DCTN4: variants seen among roughly 807,000 people sequenced by gnomAD.
DCTN4 encodes dynactin 4 (p62).
Under a neutral mutation model 62.7 loss-of-function variants are expected in DCTN4, and 23 were observed. The ratio of observed to expected loss-of-function variants is 0.37; its 90% confidence interval spans 0.26 to 0.52. DCTN4 has a LOEUF of 0.52. Among genes scored for constraint, DCTN4 ranks in the 20% least tolerant of loss-of-function variants. DCTN4 has a pLI of 0.92. For synonymous variants in DCTN4, 199 were observed against 202.1 expected (o/e 0.98, Z 0.13); for missense variants, 514 against 580.4 (o/e 0.89, Z 1.18).
Position 150,715,587 on chromosome 5 carries a change from G to C in DCTN4, c.1147C>G (p.Gln383Glu). The change falls in exon 12 of 13, where the codon CAA becomes GAA. Residue 383 changes from glutamine (Q) to glutamate (E), a missense_variant. Transcript: ENST00000447998. ...AAEYDELAEP[Q>E]DFQDDPDIIA... is the part of the protein sequence containing the mutation. ...CACTCAGGATCGTCCTGAAAGTCTT[G>C]AGGTTCTGCCAACTCATCGTACTCT... 1 of 1,614,124 alleles carries C rather than the reference G, an allele frequency of 6.2e-7. No homozygotes were observed. The highest frequency in any genetic ancestry group is 8.5e-7 in the Non-Finnish European group (1 of 1,180,008).
At position 150,731,207 on chromosome 5, in the gene DCTN4, C is replaced by T. The variant is rs770856799; in HGVS notation, c.612-51G>A. The T allele has an allele frequency of 2.1e-5, 27 of 1,259,896 alleles. No individual in the cohort carries two copies. In the East Asian group the frequency reaches 2.5e-4, roughly 12 times the overall value. The allele number at this position is 1,259,896 out of a possible 1,614,324, so 78.0% of individuals were successfully genotyped here. ...AACAAAACAAAAGAGTAATTTCTCACGGATCCACCTGATTATCCTCAGTCT... is the reference window on the plus strand; with the variant it reads ...AACAAAACAAAAGAGTAATTTCTCATGGATCCACCTGATTATCCTCAGTCT... On this transcript the variant is annotated intron_variant, in intron 6 of 12. Transcript: ENST00000447998.
At position 150,711,228 on chromosome 5, in the gene DCTN4, A is replaced by G. The variant is rs1759549920; in HGVS notation, c.1304T>C (p.Ile435Thr). The change falls in exon 13 of 13, where the codon ATT (isoleucine) becomes ACT (threonine). Residue 435 changes from isoleucine to threonine, a missense_variant. By Grantham distance (89) the Ile-to-Thr change is moderately conservative (BLOSUM62 -1). Coordinates refer to ENST00000447998, the MANE Select transcript of DCTN4 (RefSeq NM_016221.4). ...TTCTGTTCCCTGGTCACTTTCTTCA[A>G]TGGGGCGAATGGGGGCTGCCAGGTT... ...FKNLAAPIRP[I>T]EESDQGTEVI... 6 of 1,612,984 alleles carry G rather than the reference A, an allele frequency of 3.7e-6. No individual in the cohort carries two copies. Among genetic ancestry groups the G allele is most frequent in the South Asian group, 1.1e-5 (1 of 91,014 alleles).
chr5:150,737,716 A>C (rs942795417), intron 4 of DCTN4, among the ~76,000 whole-genome samples: 1 of 152,200 alleles, frequency 6.6e-6, no homozygotes, highest in Non-Finnish European at 1.5e-5. Flanking sequence ...AGAACCAGAG[A>C]AACAAGAACA....
intron 5 of DCTN4, among the ~76,000 whole-genome samples, chr5:150,732,656 A>T (rs1760429901): frequency 6.6e-6 from 1 of 152,214 alleles, no homozygotes; most frequent in South Asian, 2.1e-4. Flanking sequence ...AGCTTGACAC[A>T]TCATTGCCAT....
chr5:150,756,366 G>A (rs1561713875), intron 2 of DCTN4, 51 bp downstream of exon 2: 2 of 1,346,740 alleles, frequency 1.5e-6, no homozygotes, highest in South Asian at 2.7e-5. Context: ...AGCTATTTTA[G>A]AGAACAGTCA....
At chr5:150,748,588 C>A (rs1220524062) in intron 3 of DCTN4, among the ~76,000 whole-genome samples, 2 of 150,448 alleles carry the variant, frequency 1.3e-5, no homozygotes, top group Non-Finnish European at 3.0e-5. Context: ...ACATATACAC[C>A]ATGGAATACT....
At chr5:150,728,904 G>A (rs1760251492) in intron 8 of DCTN4, among the ~76,000 whole-genome samples, 1 of 150,886 alleles carries the variant, frequency 6.6e-6, no homozygotes, top group African/African-American at 2.4e-5. Flanking sequence ...AACAGACAGG[G>A]TCTTGCTTCG....
chr5:150,730,851 TA>T, intron 7 of DCTN4, 111 bp from the exon 8 acceptor site: 4 of 962,220 alleles, frequency 4.2e-6, no homozygotes, highest in Non-Finnish European at 6.4e-6. Context: ...GTGTTGTTCA[TA>T]AAAATGAAAA....
intron 4 of DCTN4, among the ~76,000 whole-genome samples, chr5:150,739,342 A>G (rs908612333): frequency 1.3e-5 from 2 of 152,184 alleles, no homozygotes; most frequent in Non-Finnish European, 2.9e-5. Flanking sequence ...CCAAAAAACA[A>G]AAACAAAATG....
intron 1 of DCTN4, among the ~76,000 whole-genome samples, chr5:150,757,239 G>C (rs1752895470): frequency 6.6e-6 from 1 of 152,134 alleles, no homozygotes; most frequent in Admixed American, 6.5e-5. Context: ...GATTAATAAA[G>C]TTGTTGCTCA....
intron 3 of DCTN4, among the ~76,000 whole-genome samples, chr5:150,748,945 AAAAAAAAG>A (rs1279452826): frequency 6.6e-6 from 1 of 151,990 alleles, no homozygotes; most frequent in Non-Finnish European, 1.5e-5. Context: ...AATAATAAGA[AAAAAAAAG>A]AAAAAAAGAA....
At chr5:150,753,185 T>C (rs970898632) in intron 3 of DCTN4, among the ~76,000 whole-genome samples, 2 of 152,208 alleles carry the variant, frequency 1.3e-5, no homozygotes. Context: ...GTTTTATCCA[T>C]GATGTCTTAA....
At chr5:150,711,675 T>C (rs1214514815) in intron 12 of DCTN4, among the ~76,000 whole-genome samples, 1 of 152,076 alleles carries the variant, frequency 6.6e-6, no homozygotes, top group African/African-American at 2.4e-5. Flanking sequence ...CTGGCTAGCT[T>C]TATATATTAA....
rs1759542776 is a variant in DCTN4 at position 150,711,090 on chromosome 5, A to G, written c.*59T>C. The G allele has an allele frequency of 6.6e-7, 1 of 1,514,154 alleles. No individual in the cohort carries two copies. The highest frequency in any genetic ancestry group is 1.1e-5 in the South Asian group (1 of 88,114). The allele number at this position is 1,514,154 out of a possible 1,614,324, so 93.8% of individuals were successfully genotyped here. On this transcript the variant is annotated 3_prime_UTR_variant, in exon 13 of 13. Transcript: ENST00000447998. ...GGCCTAATGAAGCAGCAGCTTCCAC[A>G]TTTTAACGCAGGTTTACGGTGATAC... is the stretch of plus-strand genomic sequence containing the variant.
intron 2 of DCTN4, among the ~76,000 whole-genome samples, chr5:150,755,218 A>G (rs1003572831): frequency 2.0e-5 from 3 of 152,220 alleles, no homozygotes; most frequent in African/African-American, 4.8e-5. Flanking sequence ...CCACTGTCCT[A>G]TAAGTAAGTG....
rs754653429 is a variant in DCTN4 at position 150,758,810 on chromosome 5, C to G, written c.135+49G>C. Reference sequence around the variant, plus strand: ...TTCCGGTGGCAGTGACTAGCATGAACGCCGCGCCCCCCCCACCCCACATAC... The same window carrying G: ...TTCCGGTGGCAGTGACTAGCATGAAGGCCGCGCCCCCCCCACCCCACATAC... On this transcript the variant is annotated intron_variant, in intron 1 of 12. Coordinates refer to ENST00000447998, the MANE Select transcript of DCTN4 (RefSeq NM_016221.4). 20 of 1,600,520 alleles carry G rather than the reference C, an allele frequency of 1.2e-5. No homozygotes were observed. In the South Asian group the frequency reaches 2.0e-4, roughly 16 times the overall value.
chr5:150,711,310 G>A lies in DCTN4; in HGVS notation c.1222C>T (p.Pro408Ser). The A allele has an allele frequency of 6.2e-7, 1 of 1,613,378 alleles. No homozygotes were observed. The highest frequency in any genetic ancestry group is 1.1e-5 in the South Asian group (1 of 91,038). The change falls in exon 13 of 13, where the codon CCA (proline) becomes TCA (serine). Residue 408 changes from proline to serine, a missense_variant. Coordinates refer to ENST00000447998, the MANE Select transcript of DCTN4 (RefSeq NM_016221.4). ...GTCACTTCACCCTCCTCACGCTGTG[G>A]TGTAACTTTGATGAAAATACCCACT... is the stretch of plus-strand genomic sequence containing the variant. The part of the protein sequence containing the change: ...NKVGIFIKVT[P>S]QREEGEVTVC...
intron 3 of DCTN4, among the ~76,000 whole-genome samples, chr5:150,744,181 A>C (rs1311916520): frequency 6.6e-6 from 1 of 152,226 alleles, no homozygotes; most frequent in Admixed American, 6.5e-5. Flanking sequence ...ACTGGAAGAA[A>C]GGGTATCAGT....
At chr5:150,734,512 T>C (rs1489544780) in intron 4 of DCTN4, 1 of 152,208 alleles carries the variant, frequency 6.6e-6, no homozygotes, top group Non-Finnish European at 1.5e-5. Flanking sequence ...GGAAGTCATT[T>C]CTGACTTTAA....
Sources: gnomAD v4.1 joint callset for allele counts (sites outside exome capture counted in the v4.1 genomes callset) on GRCh38, gnomAD v4.1.1 for gene constraint, MANE v1.5 for transcripts, NCBI Gene and HGNC (gene_info 2026-07-23, HGNC 2026-07-21) for gene names.